LRRC38: variants seen among roughly 807,000 people sequenced by gnomAD.
LRRC38 encodes the protein leucine-rich repeat-containing protein 38.
LRRC38 carries 5 observed loss-of-function variants against 16.4 expected under a neutral mutation model. The observed-to-expected ratio is 0.31, with a 90% CI of 0.16 to 0.64. The LOEUF (loss-of-function observed/expected upper bound fraction) is 0.64. Among genes scored for constraint, LRRC38 ranks in the 30% least tolerant of loss-of-function variants. LRRC38 has a pLI of 0.80. For synonymous variants in LRRC38, 191 were observed against 190.2 expected, an observed-to-expected ratio of 1.00 and a Z score of -0.04; for missense variants, 341 against 401.8, an observed-to-expected ratio of 0.85 and a Z score of 1.29.
intron 1 of LRRC38, among the ~76,000 whole-genome samples, chr1:13,494,769 G>T (rs1034480790): frequency 3.3e-5 from 5 of 152,168 alleles, no homozygotes; most frequent in Non-Finnish European, 5.9e-5. Context: ...AAGTCACTTG[G>T]TCTCTCTGAG....
chr1:13,481,192 A>G (rs1638849795), intron 1 of LRRC38, among the ~76,000 whole-genome samples: 1 of 151,760 alleles, frequency 6.6e-6, no homozygotes, highest in Non-Finnish European at 1.5e-5. Flanking sequence ...ACTCACCACA[A>G]CCTCTGCTTC....
At position 13,505,855 on chromosome 1, in the gene LRRC38, G is replaced by T. The variant is rs936955106; in HGVS notation, c.631+7108C>A. 2.0e-5 allele frequency among the ~76,000 whole-genome samples: 3 copies of T among 152,006 alleles called. No individual in the cohort carries two copies. In the East Asian group the frequency reaches 5.8e-4, roughly 29 times the overall value. ...GCTCCGGCTGGATACTGGCACTTGG[G>T]CGTGTTCCGGGGACAGAACAAGGCT... On this transcript the variant is annotated intron_variant, in intron 1 of 1. Transcript: ENST00000376085.
Position 13,487,639 on chromosome 1 carries a change from C to T in LRRC38, c.632-11540G>A, listed in dbSNP as rs374538121. ...TGCCCGTCACCACCTGTCTGGGCTC[C>T]CTCCCCTTGAGTGATGACTTCTCCC... On this transcript the variant is annotated intron_variant, in intron 1 of 1. Coordinates refer to ENST00000376085, the MANE Select transcript of LRRC38 (RefSeq NM_001010847.2). This position sits in a 1 kb window ranked among gnomAD's most constrained non-coding sequence, Gnocchi z 4.4. Among the ~76,000 whole-genome samples, 145 of 152,318 alleles carry T rather than the reference C, an allele frequency of 9.5e-4. 3 individuals carry two copies. In the South Asian group the frequency reaches 0.029, roughly 31 times the overall value.
At chr1:13,478,800 C>T (rs1023204798) in intron 1 of LRRC38, among the ~76,000 whole-genome samples, 1 of 152,124 alleles carries the variant, frequency 6.6e-6, no homozygotes, top group African/African-American at 2.4e-5. Flanking sequence ...ATCTCAGAAA[C>T]AGGAGATGGA....
At chr1:13,497,755 CA>C (rs1639096915) in intron 1 of LRRC38, among the ~76,000 whole-genome samples, 1 of 151,910 alleles carries the variant, frequency 6.6e-6, no homozygotes, top group South Asian at 2.1e-4. Context: ...GAGGGCAGAT[CA>C]CCTGAGACCA....
chr1:13,498,927 GC>G (rs1639114664), intron 1 of LRRC38, among the ~76,000 whole-genome samples: 1 of 152,156 alleles, frequency 6.6e-6, no homozygotes, highest in Non-Finnish European at 1.5e-5. Context: ...CCGGTGGTTT[GC>G]TGGGAATCTC....
At chr1:13,477,548 G>A (rs1035981040) in intron 1 of LRRC38, among the ~76,000 whole-genome samples, 1 of 152,094 alleles carries the variant, frequency 6.6e-6, no homozygotes, top group East Asian at 1.9e-4. Flanking sequence ...ACAAGAAGCT[G>A]GGAAAAAGGC....
chr1:13,493,298 G>T (rs1271572177), intron 1 of LRRC38, among the ~76,000 whole-genome samples: 1 of 152,098 alleles, frequency 6.6e-6, no homozygotes, highest in Non-Finnish European at 1.5e-5. Flanking sequence ...CCAGGGCCAG[G>T]GTTGTGGTAC....
intron 1 of LRRC38, among the ~76,000 whole-genome samples, chr1:13,480,015 G>A (rs143165360): frequency 6.6e-6 from 1 of 152,322 alleles, no homozygotes; most frequent in Non-Finnish European, 1.5e-5. Context: ...CCACCTACCA[G>A]ATGCCAGCAA....
At chr1:13,505,489 G>A (rs890575492) in intron 1 of LRRC38, among the ~76,000 whole-genome samples, 3 of 152,176 alleles carry the variant, frequency 2.0e-5, no homozygotes, top group Non-Finnish European at 4.4e-5. Context: ...GCCCGTCCCT[G>A]GATGACCCCT....
intron 1 of LRRC38, among the ~76,000 whole-genome samples, chr1:13,489,020 C>T (rs747435559): frequency 6.6e-6 from 1 of 152,136 alleles, no homozygotes; most frequent in Non-Finnish European, 1.5e-5. Context: ...GGAAACCTCC[C>T]GGGCTGAGTG....
At position 13,513,237 on chromosome 1, in the gene LRRC38, C is replaced by T. The variant is rs998819341; in HGVS notation, c.357G>A (p.Leu119=). 3.2e-6 allele frequency: 5 copies of T among 1,550,332 alleles called. No individual in the cohort carries two copies. Among genetic ancestry groups the T allele is most frequent in the African/African-American group, 1.4e-5 (1 of 73,036 alleles). ...CGGCCGAGCGGAAGGCGCCGGCGCC[C>T]AGCTGGGTCAAGTTGTTGTAGCTGA... ...LDLSYNNLTQ[L]GAGAFRSAGR... The change falls in exon 1 of 2, where the codon CTG becomes CTA. Residue 119 remains leucine (L), a synonymous_variant. Coordinates refer to ENST00000376085, the MANE Select transcript of LRRC38 (RefSeq NM_001010847.2).
intron 1 of LRRC38, among the ~76,000 whole-genome samples, chr1:13,504,250 C>T (rs1371089668): frequency 6.6e-6 from 1 of 152,070 alleles, no homozygotes; most frequent in Non-Finnish European, 1.5e-5. Context: ...ACACTGAGGA[C>T]CAGGAACATC....
At chr1:13,506,851 C>T (rs1279651016) in intron 1 of LRRC38, among the ~76,000 whole-genome samples, 2 of 152,232 alleles carry the variant, frequency 1.3e-5, no homozygotes, top group Non-Finnish European at 2.9e-5. Context: ...CCACAAGATG[C>T]TAGGACAGCA....
At chr1:13,506,725 C>T (rs1287683724) in intron 1 of LRRC38, among the ~76,000 whole-genome samples, 1 of 152,254 alleles carries the variant, frequency 6.6e-6, no homozygotes, top group Non-Finnish European at 1.5e-5. Flanking sequence ...TCCCAAAGTG[C>T]TGGGATTACA....
At position 13,488,031 on chromosome 1, in the gene LRRC38, TTTG is replaced by T. The variant is rs1638959063; in HGVS notation, c.632-11935_632-11933del. Reference sequence around the variant, plus strand: ...TTATACCTTTTCTAGATTGTGTGTGTTTGTGTGTGTGTGTGTGTGTGTGTGTGT... The same window carrying T: ...TTATACCTTTTCTAGATTGTGTGTGTTGTGTGTGTGTGTGTGTGTGTGTGT... On this transcript the variant is annotated intron_variant, in intron 1 of 1. Coordinates refer to ENST00000376085, the MANE Select transcript of LRRC38 (RefSeq NM_001010847.2). Among the ~76,000 whole-genome samples, 3 of 123,522 alleles carry T rather than the reference TTTG, an allele frequency of 2.4e-5. No homozygotes were observed. The South Asian group carries it at 7.6e-4, about 31-fold the overall frequency. The allele number at this position is 123,522 out of a possible 152,430, so 81.0% of individuals were successfully genotyped here. A position where few individuals can be genotyped will look rare whatever the true frequency, so the allele number is the denominator to read the frequency against.
chr1:13,504,761 G>A (rs1288651686), intron 1 of LRRC38, among the ~76,000 whole-genome samples: 7 of 93,570 alleles, frequency 7.5e-5, no homozygotes, highest in Non-Finnish European at 1.2e-4. Context: ...GGGGAGGGGA[G>A]GGGAAGGGAG....
At chr1:13,498,274 G>A (rs1639106975) in intron 1 of LRRC38, among the ~76,000 whole-genome samples, 1 of 151,876 alleles carries the variant, frequency 6.6e-6, no homozygotes, top group Non-Finnish European at 1.5e-5. Context: ...CCCAGTTTGT[G>A]TTTTAGCGCT....
rs554638259 is a variant in LRRC38 at position 13,475,990 on chromosome 1, G to T, written c.741C>A (p.Asp247Glu). 4 of 1,550,592 alleles carry T rather than the reference G, an allele frequency of 2.6e-6. No homozygotes were observed. The highest frequency in any genetic ancestry group is 1.7e-4 in the Middle Eastern group (1 of 5,992). The change falls in exon 2 of 2, where the codon GAC becomes GAA. Residue 247 changes from aspartate (D) to glutamate (E), a missense_variant. Coordinates refer to ENST00000376085, the MANE Select transcript of LRRC38 (RefSeq NM_001010847.2). This position sits in a 1 kb window ranked among gnomAD's most constrained non-coding sequence, Gnocchi z 4.3. ...SECRFSLSLT[D>E]LCIIIFSGVA... Reference sequence around the variant, plus strand: ...CACCGGAGAAAATGATGATGCAGAGGTCTGTGAGTGACAGGCTGAACCTAC... The same window carrying T: ...CACCGGAGAAAATGATGATGCAGAGTTCTGTGAGTGACAGGCTGAACCTAC...
Sources: gnomAD v4.1 joint callset for allele counts (sites outside exome capture counted in the v4.1 genomes callset) on GRCh38, gnomAD v4.1.1 for gene constraint, Gnocchi (gnomAD v3.1) non-coding constraint, MANE v1.5 for transcripts, NCBI Gene and HGNC (gene_info 2026-07-23, HGNC 2026-07-21) for gene names.